STEAP1B: variants seen among roughly 807,000 people sequenced by gnomAD.
STEAP1B encodes STEAP family protein MGC87042.
In STEAP1B, 13 loss-of-function variants were observed where a neutral mutation model predicts 27.9. The observed-to-expected ratio is 0.47, with a 90% CI of 0.30 to 0.74. The LOEUF (loss-of-function observed/expected upper bound fraction) is 0.74. Ranked by LOEUF, STEAP1B falls within the 30% of genes least tolerant of loss-of-function variation. The pLI, the probability that STEAP1B is intolerant of heterozygous loss-of-function variation, is 0.06. For synonymous variants in STEAP1B, 86 were observed against 107.1 expected (o/e 0.80, Z 1.22); for missense variants, 250 against 298.7 (o/e 0.84, Z 1.20).
intron 4 of STEAP1B, among the ~76,000 whole-genome samples, chr7:22,465,723 T>C (rs1018975923): frequency 6.6e-6 from 1 of 152,092 alleles, no homozygotes; most frequent in Admixed American, 6.5e-5. Context: ...TGGGGCTTTA[T>C]TAGGGGCTTG....
intron 4 of STEAP1B, among the ~76,000 whole-genome samples, chr7:22,438,996 G>C (rs1407891761): frequency 6.6e-6 from 1 of 152,172 alleles, no homozygotes; most frequent in Non-Finnish European, 1.5e-5. Context: ...GAATTTCCAT[G>C]TAATAAGAAA....
chr7:22,497,164 A>T (rs1786456505), intron 1 of STEAP1B, among the ~76,000 whole-genome samples: 1 of 152,182 alleles, frequency 6.6e-6, no homozygotes, highest in African/African-American at 2.4e-5. Flanking sequence ...TCTCCCATTG[A>T]TTGGCTTAGC....
intron 4 of STEAP1B, among the ~76,000 whole-genome samples, chr7:22,454,860 TATATA>T (rs1785551102): frequency 3.1e-5 from 2 of 65,332 alleles, no homozygotes; most frequent in African/African-American, 1.5e-4. Context: ...TATATATATA[TATATA>T]TTTTTTTTTT....
intron 4 of STEAP1B, among the ~76,000 whole-genome samples, chr7:22,455,634 T>C (rs527455531): frequency 5.9e-5 from 9 of 152,334 alleles, no homozygotes; most frequent in African/African-American, 2.2e-4. Context: ...GATGCATATA[T>C]TGCAAATAAC....
At chr7:22,457,417 C>T (rs1367101340) in intron 4 of STEAP1B, among the ~76,000 whole-genome samples, 1 of 152,148 alleles carries the variant, frequency 6.6e-6, no homozygotes, top group Non-Finnish European at 1.5e-5. Context: ...GAGAGTGCCA[C>T]ACACTGTGGT....
At chr7:22,448,291 G>T (rs1170786978) in intron 4 of STEAP1B, among the ~76,000 whole-genome samples, 1 of 152,048 alleles carries the variant, frequency 6.6e-6, no homozygotes, top group Non-Finnish European at 1.5e-5. Context: ...ATGGCCAAAG[G>T]AATATAGATA....
chr7:22,427,921 T>C (rs1332141351), intron 4 of STEAP1B, among the ~76,000 whole-genome samples: 2 of 152,206 alleles, frequency 1.3e-5, no homozygotes, highest in African/African-American at 4.8e-5. Context: ...TTACTGCAAA[T>C]CTGGCTCTAA....
chr7:22,453,565 T>C (rs970161763), intron 4 of STEAP1B, among the ~76,000 whole-genome samples: 4 of 152,230 alleles, frequency 2.6e-5, no homozygotes, highest in Non-Finnish European at 4.4e-5. Flanking sequence ...CTTTCTGAAG[T>C]TTTAGTTCTA....
rs533724058 is a variant in STEAP1B at position 22,499,681 on chromosome 7, T to G, written c.-32+433A>C. On this transcript the variant is annotated intron_variant, in intron 1 of 4. Coordinates refer to ENST00000678116, the MANE Select transcript of STEAP1B (RefSeq NM_001382447.1). ...GTTCTAAGGACTGAAAATGAAAACC[T>G]CTGTTACCAGGAAACCCGAAGACGA... 9.0e-4 allele frequency among the ~76,000 whole-genome samples: 137 copies of G among 152,224 alleles called. 1 individual carries two copies. The highest frequency in any genetic ancestry group is 3.1e-3 in the African/African-American group (127 of 41,542).
At chr7:22,492,319 CAAAAAAAAAA>C (rs56679156) in intron 4 of STEAP1B, 1,352 of 54,794 alleles carry the variant, frequency 0.025, 37 homozygotes, top group African/African-American at 0.1. Context: ...ACTTCATCTC[CAAAAAAAAAA>C]AAAAAAAAAA....
Position 22,493,546 on chromosome 7 carries a change from G to A in STEAP1B, c.375C>T (p.Leu125=), listed in dbSNP as rs772081130. 5 of 1,613,762 alleles carry A rather than the reference G, an allele frequency of 3.1e-6. No individual in the cohort carries two copies. Among genetic ancestry groups the A allele is most frequent in the Non-Finnish European group, 4.2e-6 (5 of 1,179,858 alleles). The change falls in exon 3 of 5, where the codon CTC becomes CTT. Residue 125 remains leucine (L), a synonymous_variant. Transcript: ENST00000678116. Reference sequence around the variant, plus strand: ...CACCTGGTAGGTAAACCAATGCCAAGAGAGTGATGGAAACCATTGGCAAGA... The same window carrying A: ...CACCTGGTAGGTAAACCAATGCCAAAAGAGTGATGGAAACCATTGGCAAGA... ...NKVLPMVSIT[L]LALVYLPGVI...
At chr7:22,465,527 C>T (rs940920897) in intron 4 of STEAP1B, among the ~76,000 whole-genome samples, 14 of 150,080 alleles carry the variant, frequency 9.3e-5, no homozygotes, top group African/African-American at 2.9e-4. Flanking sequence ...TGTAGATTTC[C>T]ATCCTACTAA....
At chr7:22,420,991 C>A (rs1372649967) in intron 4 of STEAP1B, among the ~76,000 whole-genome samples, 1 of 152,160 alleles carries the variant, frequency 6.6e-6, no homozygotes, top group Non-Finnish European at 1.5e-5. Context: ...CACTCTACTG[C>A]CTCTCTCTTA....
In STEAP1B at chr7:22,495,763, T is replaced by C. The variant is rs867138797; in HGVS notation, c.-31-877A>G. On this transcript the variant is annotated intron_variant, in intron 1 of 4. Coordinates refer to ENST00000678116, the MANE Select transcript of STEAP1B (RefSeq NM_001382447.1). ...TGAATTTTAGACCACGTGTAGTACTTTTTTAGGTGGAAAGCTGTTTCCAGG... is the reference window on the plus strand; with the variant it reads ...TGAATTTTAGACCACGTGTAGTACTCTTTTAGGTGGAAAGCTGTTTCCAGG... Among the ~76,000 whole-genome samples the C allele has an allele frequency of 6.8e-4, 103 of 152,196 alleles. 1 individual carries two copies. Among genetic ancestry groups the C allele is most frequent in the African/African-American group, 2.4e-3 (98 of 41,512 alleles).
intron 4 of STEAP1B, among the ~76,000 whole-genome samples, chr7:22,442,725 G>C (rs1365546762): frequency 1.3e-5 from 2 of 152,220 alleles, no homozygotes; most frequent in African/African-American, 4.8e-5. Context: ...TGCTGAGTTT[G>C]AGACATTGAG....
chr7:22,477,131 T>A (rs1462610663), intron 4 of STEAP1B, among the ~76,000 whole-genome samples: 1 of 152,192 alleles, frequency 6.6e-6, no homozygotes, highest in African/African-American at 2.4e-5. Context: ...GCCTTTGCCA[T>A]CTTCCACTGG....
intron 4 of STEAP1B, among the ~76,000 whole-genome samples, chr7:22,433,854 C>T (rs1031182296): frequency 6.6e-6 from 1 of 152,242 alleles, no homozygotes; most frequent in South Asian, 2.1e-4. Context: ...TGTGTGTATA[C>T]GTATGTGTGT....
intron 4 of STEAP1B, among the ~76,000 whole-genome samples, chr7:22,483,253 T>C (rs899211352): frequency 2.0e-5 from 3 of 152,004 alleles, no homozygotes; most frequent in Non-Finnish European, 2.9e-5. Flanking sequence ...GGAGAAAAAG[T>C]CACCTTAGAA....
chr7:22,498,051 A>C (rs1368250791), intron 1 of STEAP1B, among the ~76,000 whole-genome samples: 3 of 152,158 alleles, frequency 2.0e-5, no homozygotes, highest in Admixed American at 6.5e-5. Flanking sequence ...TGCAGTTTGC[A>C]ATAGGGTTCA....
Sources: allele counts gnomAD v4.1 joint callset (sites outside exome capture counted in the v4.1 genomes callset), GRCh38; gene constraint gnomAD v4.1.1; transcripts MANE v1.5; gene names NCBI Gene and HGNC (gene_info 2026-07-23, HGNC 2026-07-21).